Variants in C9orf85 observed in about 807,000 individuals in gnomAD.
C9orf85 encodes the protein uncharacterized protein C9orf85.
C9orf85 carries 16 observed loss-of-function variants against 14.9 expected under a neutral mutation model. That is an observed-to-expected ratio of 1.08 (90% confidence interval 0.73 to 1.63). The LOEUF is 1.63. Among genes scored for constraint, C9orf85 ranks in the 40% most tolerant of loss-of-function variants. C9orf85 has a pLI of 0.00. For missense variants in C9orf85, 172 were observed against 186.1 expected (o/e 0.92, Z 0.44); for synonymous variants, 45 against 56.8 (o/e 0.79, Z 0.93).
downstream of C9orf85, among the ~76,000 whole-genome samples, chr9:71,975,871 T>C (rs1822988550): frequency 6.6e-6 from 1 of 152,176 alleles, no homozygotes; most frequent in Non-Finnish European, 1.5e-5. Flanking sequence ...TTGTGTGGCT[T>C]TCCTTTTTTG....
chr9:71,940,415 C>G (rs540098694), intron 1 of C9orf85, among the ~76,000 whole-genome samples: 36 of 152,108 alleles, frequency 2.4e-4, no homozygotes, highest in Admixed American at 1.2e-3. Flanking sequence ...GCCTGGGCAA[C>G]AGAGTGAGAT....
chr9:71,912,159 AG>A (rs1827519709), intron 1 of C9orf85, among the ~76,000 whole-genome samples: 1 of 152,110 alleles, frequency 6.6e-6, no homozygotes, highest in Admixed American at 6.5e-5. Context: ...GAGGGAAACG[AG>A]GATTGTGGCA....
At chr9:71,939,579 CA>C (rs1165861080) in intron 1 of C9orf85, among the ~76,000 whole-genome samples, 7 of 152,070 alleles carry the variant, frequency 4.6e-5, no homozygotes, top group Non-Finnish European at 1.0e-4. Context: ...AAAATCATAG[CA>C]GGGTTTTTTG....
chr9:71,963,059 C>T (rs1298145932), intron 2 of C9orf85, among the ~76,000 whole-genome samples: 1 of 147,536 alleles, frequency 6.8e-6, no homozygotes, highest in Non-Finnish European at 1.5e-5. Context: ...TCCGTCTCAC[C>T]AAAAAAAAAG....
intron 1 of C9orf85, among the ~76,000 whole-genome samples, chr9:71,916,439 G>A (rs919618063): frequency 5.9e-5 from 9 of 151,930 alleles, no homozygotes; most frequent in African/African-American, 2.2e-4. Flanking sequence ...TTAGAGGTGG[G>A]TCGTAGTATA....
At chr9:71,970,941 G>A (rs925348522) in intron 2 of C9orf85, among the ~76,000 whole-genome samples, 1 of 151,600 alleles carries the variant, frequency 6.6e-6, no homozygotes, top group Non-Finnish European at 1.5e-5. Context: ...TTTTAGTAGA[G>A]ATGGGGTTTC....
downstream of C9orf85, among the ~76,000 whole-genome samples, chr9:71,977,504 C>T (rs879353698): frequency 6.6e-5 from 10 of 152,122 alleles, no homozygotes; most frequent in Non-Finnish European, 1.5e-4. Context: ...AGACCTAAAT[C>T]TTATATAAGA....
At chr9:71,927,484 G>A (rs1827959902) in intron 1 of C9orf85, among the ~76,000 whole-genome samples, 1 of 152,146 alleles carries the variant, frequency 6.6e-6, no homozygotes, top group African/African-American at 2.4e-5. Context: ...CATAGTTCCA[G>A]GTTTCAACCA....
At chr9:71,955,552 T>G (rs1390285478) in intron 2 of C9orf85, among the ~76,000 whole-genome samples, 1 of 152,192 alleles carries the variant, frequency 6.6e-6, no homozygotes, top group Non-Finnish European at 1.5e-5. Flanking sequence ...GGCATTTGCC[T>G]TATTTGAACC....
intron 2 of C9orf85, among the ~76,000 whole-genome samples, chr9:71,959,201 G>A (rs978826146): frequency 9.3e-5 from 14 of 151,134 alleles, no homozygotes; most frequent in African/African-American, 2.4e-4. Context: ...ACAATGGCAC[G>A]ATCTCGGCTC....
At chr9:71,930,513 G>A (rs1828044845) in intron 1 of C9orf85, among the ~76,000 whole-genome samples, 3 of 151,952 alleles carry the variant, frequency 2.0e-5, no homozygotes, top group African/African-American at 7.3e-5. Context: ...GACAGAAACA[G>A]GCCAGGCATG....
downstream of C9orf85, chr9:71,983,643 G>A (rs1823149223): frequency 6.6e-6 from 1 of 152,222 alleles, no homozygotes; most frequent in Admixed American, 6.5e-5. Flanking sequence ...TAGAGCACCT[G>A]TTGTGTGTGC....
At chr9:71,937,223 A>G (rs1039134128) in intron 1 of C9orf85, among the ~76,000 whole-genome samples, 4 of 152,226 alleles carry the variant, frequency 2.6e-5, no homozygotes, top group Admixed American at 2.6e-4. Flanking sequence ...AGGTTTTCTC[A>G]ACTGCCAGAA....
intron 2 of C9orf85, among the ~76,000 whole-genome samples, chr9:71,964,017 C>T (rs987359201): frequency 2.6e-5 from 4 of 152,128 alleles, no homozygotes; most frequent in African/African-American, 7.2e-5. Context: ...CTGGTGGGGA[C>T]GTGGAGAACC....
chr9:71,972,388 T>C (rs1822898775), intron 3 of C9orf85, among the ~76,000 whole-genome samples: 1 of 152,114 alleles, frequency 6.6e-6, no homozygotes, highest in South Asian at 2.1e-4. Flanking sequence ...GCCTCCCAAG[T>C]AGTTGGGATT....
chr9:71,968,563 G>A (rs1458786212), intron 2 of C9orf85, among the ~76,000 whole-genome samples: 1 of 151,904 alleles, frequency 6.6e-6, no homozygotes, highest in Non-Finnish European at 1.5e-5. Context: ...CAGAGTTGTT[G>A]GGCTTATATG....
At chr9:71,962,917 G>A (rs1393785215) in intron 2 of C9orf85, among the ~76,000 whole-genome samples, 2 of 152,112 alleles carry the variant, frequency 1.3e-5, no homozygotes, top group Non-Finnish European at 2.9e-5. Flanking sequence ...TTAGCCAGGT[G>A]TAGTGGTGCG....
chr9:71,962,693 AGAGGAGAAATTT>A (rs1822552915), intron 2 of C9orf85, among the ~76,000 whole-genome samples: 1 of 152,252 alleles, frequency 6.6e-6, no homozygotes, highest in Non-Finnish European at 1.5e-5. Context: ...CTAAGAAGAT[AGAGGAGAAATTT>A]TACTTCCTTC....
intron 1 of C9orf85, among the ~76,000 whole-genome samples, chr9:71,928,798 GGTA>G (rs1356214340): frequency 1.3e-5 from 2 of 152,006 alleles, no homozygotes; most frequent in Non-Finnish European, 2.9e-5. Flanking sequence ...GGAAATAAAA[GGTA>G]GTATTTTATT....
Sources: allele counts gnomAD v4.1 joint callset (sites outside exome capture counted in the v4.1 genomes callset), GRCh38; gene constraint gnomAD v4.1.1; transcripts MANE v1.5; gene names NCBI Gene and HGNC (gene_info 2026-07-23, HGNC 2026-07-21).